The following NDUFA10 variants were observed in gnomAD, a reference collection of about 807,000 sequenced individuals.
NDUFA10 encodes the protein NADH dehydrogenase [ubiquinone] 1 alpha subcomplex subunit 10, mitochondrial.
A neutral mutation model predicts 47.8 loss-of-function variants in NDUFA10; 40 were observed. The ratio of observed to expected loss-of-function variants is 0.84; its 90% CI spans 0.65 to 1.09. The LOEUF (loss-of-function observed/expected upper bound fraction) is 1.09, where lower values mean the gene tolerates loss of function less well. Among genes scored for constraint, NDUFA10 ranks in the 50% least tolerant of loss-of-function variants. The pLI is 0.00. For synonymous variants in NDUFA10, 183 were observed against 172.2 expected, an observed-to-expected ratio of 1.06 and a Z score of -0.49; for missense variants, 413 against 451.1, an observed-to-expected ratio of 0.92 and a Z score of 0.76.
At chr2:239,969,509 G>C in intron 9 of NDUFA10, 1 of 377,088 alleles carries the variant, frequency 2.7e-6, no homozygotes, top group Non-Finnish European at 5.3e-6. Flanking sequence ...CAGTGATGGA[G>C]CACAGAAGAG....
At chr2:239,981,048 T>C (rs1695753542) in intron 9 of NDUFA10, among the ~76,000 whole-genome samples, 1 of 152,262 alleles carries the variant, frequency 6.6e-6, no homozygotes, top group African/African-American at 2.4e-5. Flanking sequence ...AATCCCTCCC[T>C]GCTCCTCAGG....
At chr2:239,943,368 C>T (rs1490014294) in intron 4 of NDUFA10, among the ~76,000 whole-genome samples, 2 of 152,126 alleles carry the variant, frequency 1.3e-5, no homozygotes, top group African/African-American at 2.4e-5. Context: ...TCTCACAGTG[C>T]CACACAGGCT....
chr2:240,005,859 G>T (rs1696930058), intron 7 of NDUFA10, among the ~76,000 whole-genome samples: 1 of 152,184 alleles, frequency 6.6e-6, no homozygotes, highest in Non-Finnish European at 1.5e-5. Flanking sequence ...AAAAGGACAG[G>T]TGAGAACAAT....
At chr2:240,009,455 C>T (rs754510985) in intron 6 of NDUFA10, among the ~76,000 whole-genome samples, 4 of 152,306 alleles carry the variant, frequency 2.6e-5, no homozygotes, top group Admixed American at 1.3e-4. Flanking sequence ...AAGACATGTA[C>T]GCCTAAGATC....
intron 7 of NDUFA10, among the ~76,000 whole-genome samples, chr2:240,006,385 G>C (rs918002635): frequency 6.6e-6 from 1 of 152,178 alleles, no homozygotes; most frequent in African/African-American, 2.4e-5. Context: ...TCTGCAAGGA[G>C]AATGCTACTC....
intron 5 of NDUFA10, chr2:239,892,833 G>A (rs892787856): frequency 6.6e-6 from 1 of 152,262 alleles, no homozygotes; most frequent in Non-Finnish European, 1.5e-5. Flanking sequence ...TGGCACAGTT[G>A]AGTCAGGTTT....
At chr2:239,962,953 A>C (rs1192210837) in intron 9 of NDUFA10, among the ~76,000 whole-genome samples, 4 of 152,052 alleles carry the variant, frequency 2.6e-5, no homozygotes, top group Admixed American at 2.0e-4. Flanking sequence ...CATGACCTAA[A>C]CACCACCCAC....
intron 9 of NDUFA10, among the ~76,000 whole-genome samples, chr2:239,982,377 C>T (rs544427068): frequency 6.6e-6 from 1 of 152,150 alleles, no homozygotes; most frequent in Non-Finnish European, 1.5e-5. Context: ...TTTCTTCTAA[C>T]GTGTAATTAT....
At chr2:240,006,127 G>C (rs917561444) in intron 7 of NDUFA10, among the ~76,000 whole-genome samples, 2 of 152,044 alleles carry the variant, frequency 1.3e-5, no homozygotes, top group Non-Finnish European at 2.9e-5. Context: ...CTTTAGTTTC[G>C]GGAATTTGAG....
chr2:239,925,339 G>C (rs1039376769), intron 4 of NDUFA10, among the ~76,000 whole-genome samples: 3 of 152,154 alleles, frequency 2.0e-5, no homozygotes, highest in African/African-American at 7.2e-5. Flanking sequence ...AGAGAAAAGA[G>C]AACAGAATAA....
chr2:239,944,882 C>T (rs116342362), intron 4 of NDUFA10, among the ~76,000 whole-genome samples: 1,598 of 152,306 alleles, frequency 0.01, 19 homozygotes, highest in Admixed American at 0.022. Flanking sequence ...CGCCACCATC[C>T]GCAATAGAAG....
chr2:239,962,837 G>A lies in NDUFA10; in HGVS notation c.1000-1651C>T, dbSNP rs115228689. ...GAGCAAGAGCATGAGGCGGGTAGGGGGTGGGAGCTGCCATATACTTTAAAA... is the reference window on the plus strand; with the variant it reads ...GAGCAAGAGCATGAGGCGGGTAGGGAGTGGGAGCTGCCATATACTTTAAAA... On this transcript the variant is annotated intron_variant, in intron 9 of 9. Transcript: ENST00000252711. Among the ~76,000 whole-genome samples the A allele has an allele frequency of 3.4e-3, 511 of 152,148 alleles. 9 individuals carry two copies. The highest frequency in any genetic ancestry group is 0.012 in the African/African-American group (479 of 41,488).
chr2:239,980,263 A>G (rs1024563203), intron 9 of NDUFA10, among the ~76,000 whole-genome samples: 1 of 152,226 alleles, frequency 6.6e-6, no homozygotes, highest in African/African-American at 2.4e-5. Flanking sequence ...CAGAAGTGGT[A>G]GGACACTGGG....
chr2:239,947,653 C>G (rs373894074), intron 4 of NDUFA10, among the ~76,000 whole-genome samples: 3 of 152,186 alleles, frequency 2.0e-5, no homozygotes, highest in African/African-American at 7.2e-5. Context: ...AGGGTCCTCC[C>G]GGGGCTCCTC....
Position 240,018,745 on chromosome 2 carries a change from C to T in NDUFA10, c.461-106G>A. 2.5e-6 allele frequency: 3 copies of T among 1,214,490 alleles called. No homozygotes were observed. In the East Asian group the frequency reaches 7.5e-5, roughly 30 times the overall value. The allele number at this position is 1,214,490 out of a possible 1,614,324, so 75.2% of individuals were successfully genotyped here. On this transcript the variant is annotated intron_variant, in intron 3 of 9. Coordinates refer to ENST00000252711, the MANE Select transcript of NDUFA10 (RefSeq NM_004544.4). Reference sequence around the variant, plus strand: ...AAGAAAATAACAATCATTTACAATTCCATTTCCACACCAAAATACTGAAAA... The same window carrying T: ...AAGAAAATAACAATCATTTACAATTTCATTTCCACACCAAAATACTGAAAA...
intron 9 of NDUFA10, among the ~76,000 whole-genome samples, chr2:239,967,166 C>T (rs565067484): frequency 6.6e-6 from 1 of 152,326 alleles, no homozygotes; most frequent in South Asian, 2.1e-4. Context: ...ACGCAGCCAT[C>T]GGAATGGGTT....
At chr2:240,025,164 T>TGGCCCCCCCCCCCCCCCCCCC in intron 1 of NDUFA10, 63 bp downstream of exon 1, 1 of 594,914 alleles carries the variant, frequency 1.7e-6, no homozygotes, top group Non-Finnish European at 2.7e-6. Context: ...GTGGAACTGC[T>TGGCCCCCCCCCCCCCCCCCCC]CCCCACCCCG....
chr2:239,900,823 G>A (rs1574764285), intron 4 of NDUFA10, among the ~76,000 whole-genome samples: 3 of 152,256 alleles, frequency 2.0e-5, no homozygotes, highest in Admixed American at 2.0e-4. Flanking sequence ...GGAAATTGCA[G>A]AAGCAAAGCC....
chr2:239,964,615 G>A (rs1219551296), intron 9 of NDUFA10, among the ~76,000 whole-genome samples: 1 of 152,168 alleles, frequency 6.6e-6, no homozygotes, highest in Non-Finnish European at 1.5e-5. Flanking sequence ...GGATGCAGGA[G>A]AGTGTGGGTC....
Sources: gnomAD v4.1 joint callset for allele counts (sites outside exome capture counted in the v4.1 genomes callset) on GRCh38, gnomAD v4.1.1 for gene constraint, MANE v1.5 for transcripts, NCBI Gene and HGNC (gene_info 2026-07-23, HGNC 2026-07-21) for gene names.